The following NUP210 variants were observed in gnomAD, a reference collection of about 807,000 sequenced individuals.
NUP210 encodes nuclear pore membrane glycoprotein 210.
In NUP210, 151 loss-of-function variants were observed where a neutral mutation model predicts 196.0. That is an observed-to-expected ratio of 0.77 (90% confidence interval 0.67 to 0.88). NUP210 has a LOEUF of 0.88. Ranked by LOEUF, NUP210 falls within the 40% of genes least tolerant of loss-of-function variation. The pLI is 0.00. For synonymous variants in NUP210, 1,070 were observed against 1,052.7 expected, an observed-to-expected ratio of 1.02 and a Z score of -0.32; for missense variants, 2,314 against 2,493.7, an observed-to-expected ratio of 0.93 and a Z score of 1.53.
chr3:13,344,691 T>C (rs1697651909), intron 20 of NUP210, among the ~76,000 whole-genome samples: 2 of 152,186 alleles, frequency 1.3e-5, no homozygotes, highest in South Asian at 4.1e-4. Flanking sequence ...AAGCCTGGTA[T>C]GGCCTGGCTC....
chr3:13,375,382 CTG>C, intron 11 of NUP210, 120 bp downstream of exon 11: 1 of 938,016 alleles, frequency 1.1e-6, no homozygotes, highest in Non-Finnish European at 1.6e-6. Context: ...AACATAAAGA[CTG>C]TGATTTAAAA....
chr3:13,384,245 G>A (rs545200766), intron 6 of NUP210, among the ~76,000 whole-genome samples: 13 of 152,270 alleles, frequency 8.5e-5, no homozygotes, highest in Non-Finnish European at 1.5e-5. Flanking sequence ...ATGGGCGTGA[G>A]CCACCACGCC....
chr3:13,406,806 C>T (rs1292744224), intron 1 of NUP210, among the ~76,000 whole-genome samples: 1 of 152,198 alleles, frequency 6.6e-6, no homozygotes, highest in African/African-American at 2.4e-5. Flanking sequence ...CATGTCTGCC[C>T]TACCCTCCCA....
At chr3:13,400,752 T>C (rs949777059) in intron 1 of NUP210, among the ~76,000 whole-genome samples, 2 of 151,992 alleles carry the variant, frequency 1.3e-5, no homozygotes, top group African/African-American at 2.4e-5. Context: ...CATGCTGCCC[T>C]CAGAGAGTTT....
intron 14 of NUP210, among the ~76,000 whole-genome samples, chr3:13,365,084 C>T (rs1451250162): frequency 2.0e-5 from 3 of 152,226 alleles, no homozygotes; most frequent in Non-Finnish European, 4.4e-5. Flanking sequence ...CCTCTCTGCG[C>T]CTCCTGCAAG....
At chr3:13,419,986 G>C in intron 1 of NUP210, 74 bp downstream of exon 1, 5 of 1,015,552 alleles carry the variant, frequency 4.9e-6, no homozygotes, top group Non-Finnish European at 6.0e-6. Flanking sequence ...CGGCCTCCCG[G>C]CGCCCGCCCA....
rs1559323589 is a variant in NUP210, at chr3:13,351,974, G to A, written c.2740C>T (p.Leu914Phe). 2 of 1,610,762 alleles carry A rather than the reference G, an allele frequency of 1.2e-6. No individual in the cohort carries two copies. The highest frequency in any genetic ancestry group is 1.7e-6 in the Non-Finnish European group (2 of 1,177,458). ...IYNHPGIQAE[L>F]RIREGSGYFF... ...TAACCTGAGCCTTCCCTGATGCGGA[G>A]CTCTGCCTGCAGGAGGCAGATGCAG... The change falls in exon 20 of 40, where the codon CTC (leucine) becomes TTC (phenylalanine). Residue 914 changes from leucine (L) to phenylalanine (F), a missense_variant. Leu to Phe is a conservative substitution (Grantham distance 22). Coordinates refer to ENST00000254508, the MANE Select transcript of NUP210 (RefSeq NM_024923.4).
In NUP210 at chr3:13,367,612, C is replaced by T. The variant is rs540439817; in HGVS notation, c.1787-1521G>A. On this transcript the variant is annotated intron_variant, in intron 13 of 39. Transcript: ENST00000254508. ...CCTTTCCCTAAAGGAAAACCGCCCCCCTGGCGCCTACCAGCACAACTGAAT... is the reference window on the plus strand; with the variant it reads ...CCTTTCCCTAAAGGAAAACCGCCCCTCTGGCGCCTACCAGCACAACTGAAT... Among the ~76,000 whole-genome samples the T allele has an allele frequency of 9.9e-5, 15 of 152,280 alleles. 1 individual carries two copies. The South Asian group carries it at 3.1e-3, about 32-fold the overall frequency.
At chr3:13,413,557 T>G (rs1576431989) in intron 1 of NUP210, among the ~76,000 whole-genome samples, 1 of 152,252 alleles carries the variant, frequency 6.6e-6, no homozygotes, top group East Asian at 1.9e-4. Context: ...TCCAGATGAC[T>G]CAAAGCAGTG....
intron 26 of NUP210, among the ~76,000 whole-genome samples, chr3:13,337,330 C>G (rs1697256035): frequency 6.6e-6 from 1 of 152,224 alleles, no homozygotes; most frequent in Non-Finnish European, 1.5e-5. Flanking sequence ...TCTCTATTTG[C>G]TGTGTCGGCT....
intron 2 of NUP210, among the ~76,000 whole-genome samples, 179 bp from the exon 3 acceptor site, chr3:13,397,667 A>G (rs531951104): frequency 3.8e-4 from 58 of 152,298 alleles, no homozygotes; most frequent in Admixed American, 1.0e-3. Context: ...TACCAGAAAG[A>G]AAGGGCTGTG....
At chr3:13,349,728 G>C (rs1697900621) in intron 20 of NUP210, among the ~76,000 whole-genome samples, 1 of 152,208 alleles carries the variant, frequency 6.6e-6, no homozygotes, top group South Asian at 2.1e-4. Flanking sequence ...CTGACTTCAT[G>C]CGCAACAGAG....
At chr3:13,333,796 AT>A (rs898203563) in intron 28 of NUP210, among the ~76,000 whole-genome samples, 13 of 151,526 alleles carry the variant, frequency 8.6e-5, no homozygotes, top group African/African-American at 2.9e-4. Flanking sequence ...GATTCCTTCT[AT>A]TTTTTTTTAA....
chr3:13,357,550 C>T (rs1317110165), intron 16 of NUP210, among the ~76,000 whole-genome samples: 1 of 152,164 alleles, frequency 6.6e-6, no homozygotes, highest in Admixed American at 6.5e-5. Context: ...GCTGCTCACC[C>T]ACCTCCTCTG....
intron 25 of NUP210, among the ~76,000 whole-genome samples, chr3:13,339,059 A>AC (rs1021121581): frequency 6.6e-6 from 1 of 151,902 alleles, no homozygotes; most frequent in African/African-American, 2.4e-5. Context: ...TCTGAACCCT[A>AC]CCCCATCCCC....
chr3:13,317,821 G>A (rs1696333638), intron 39 of NUP210, 40 bp from the exon 40 acceptor site: 16 of 1,401,276 alleles, frequency 1.1e-5, no homozygotes, highest in Non-Finnish European at 1.6e-5. Flanking sequence ...GCAGAGCCAG[G>A]GAAAGCGGCG....
Position 13,340,434 on chromosome 3 carries a change from G to C in NUP210, c.3229-136C>G. 1.3e-6 allele frequency: 1 copy of C among 771,412 alleles called. No homozygotes were observed. The highest frequency in any genetic ancestry group is 1.7e-5 in the South Asian group (1 of 60,080). The allele number at this position is 771,412 out of a possible 1,614,324, so 47.8% of individuals were successfully genotyped here. On this transcript the variant is annotated intron_variant, in intron 23 of 39. Coordinates refer to ENST00000254508, the MANE Select transcript of NUP210 (RefSeq NM_024923.4). The surrounding 1 kb of genome is among the most constrained non-coding windows in gnomAD (Gnocchi z 4.0). ...CTTCTCTCTGAGCAGTGACCAGAGG[G>C]CCCAGGGTCCTGGGCCAATGCTGGG...
intron 26 of NUP210, 47 bp downstream of exon 26, chr3:13,337,790 A>T: frequency 6.5e-7 from 1 of 1,533,688 alleles, no homozygotes; most frequent in South Asian, 1.2e-5. Flanking sequence ...GGGTCCCAGC[A>T]GTGGCTCTTC....
chr3:13,412,267 T>A (rs1415102887), intron 1 of NUP210, among the ~76,000 whole-genome samples: 1 of 135,290 alleles, frequency 7.4e-6, no homozygotes, highest in African/African-American at 3.1e-5. Flanking sequence ...AGGGTTTCGC[T>A]ATGTTGCCCA....
Sources: allele counts gnomAD v4.1 joint callset (sites outside exome capture counted in the v4.1 genomes callset), GRCh38; gene constraint gnomAD v4.1.1; non-coding constraint Gnocchi (gnomAD v3.1); transcripts MANE v1.5; gene names NCBI Gene and HGNC (gene_info 2026-07-23, HGNC 2026-07-21).